PARD3B: variants seen among roughly 807,000 people sequenced by gnomAD.
PARD3B encodes the protein par-3 family cell polarity regulator beta.
A neutral mutation model predicts 130.2 loss-of-function variants in PARD3B; 103 were observed. The ratio of observed to expected loss-of-function variants is 0.79; its 90% CI spans 0.67 to 0.93. The LOEUF is 0.93. Ranked by LOEUF, PARD3B falls within the 40% of genes least tolerant of loss-of-function variation. PARD3B has a pLI of 0.00. For synonymous variants in PARD3B, 583 were observed against 553.2 expected (o/e 1.05, Z -0.76); for missense variants, 1,609 against 1,499.2 (o/e 1.07, Z -1.21).
rs1553615098 is a variant in PARD3B at position 205,106,529 on chromosome 2, G to GTA, written c.593+2019_593+2020dup. Among the ~76,000 whole-genome samples the GTA allele has an allele frequency of 8.5e-3, 1,278 of 150,624 alleles. 24 individuals are homozygous for GTA. Among genetic ancestry groups the GTA allele is most frequent in the East Asian group, 0.026 (133 of 5,108 alleles). On this transcript the variant is annotated intron_variant, in intron 5 of 22. Coordinates refer to ENST00000406610, the MANE Select transcript of PARD3B (RefSeq NM_001302769.2). ...TGTGTGTGTGTGTGTGTGTGTGTGTGTATATTTGATTATCAAAACGGGCTT... is the reference window on the plus strand; with the variant it reads ...TGTGTGTGTGTGTGTGTGTGTGTGTGTATATATTTGATTATCAAAACGGGCTT...
At position 205,440,524 on chromosome 2, in the gene PARD3B, G is replaced by T; in HGVS notation, c.2896G>T (p.Ala966Ser). 1 of 1,614,060 alleles carries T rather than the reference G, an allele frequency of 6.2e-7. No homozygotes were observed. The highest frequency in any genetic ancestry group is 8.5e-7 in the Non-Finnish European group (1 of 1,179,980). Residue 966 changes from alanine (A) to serine (S), a missense_variant, in exon 20 of 23, where the codon GCA (alanine) becomes TCA (serine). Physicochemically the swap from Ala to Ser is moderately conservative, Grantham distance 99. Transcript: ENST00000406610. The surrounding 1 kb of genome is among the most constrained non-coding windows in gnomAD (Gnocchi z 4.2). ...CCACTTTCGGGAACCATGCACATCA[G>T]CAAATGTCTTTAGATCTCCATCTCC... ...VNHFREPCTS[A>S]NVFRSPSPPR... is the part of the protein sequence containing the mutation.
At chr2:205,150,396 T>C (rs2033676129) in intron 10 of PARD3B, among the ~76,000 whole-genome samples, 1 of 152,108 alleles carries the variant, frequency 6.6e-6, no homozygotes, top group East Asian at 1.9e-4. Context: ...TAGTACTTTA[T>C]ACCCATTTCC....
chr2:205,220,971 G>A (rs1236426089), intron 15 of PARD3B, among the ~76,000 whole-genome samples: 1 of 152,208 alleles, frequency 6.6e-6, no homozygotes, highest in Non-Finnish European at 1.5e-5. Flanking sequence ...GCAGGGCTTG[G>A]AAGCTGTGGA....
chr2:205,480,992 C>G (rs1448783253), intron 20 of PARD3B, among the ~76,000 whole-genome samples: 2 of 151,980 alleles, frequency 1.3e-5, no homozygotes, highest in Non-Finnish European at 2.9e-5. Context: ...CTTAGGCTAT[C>G]AAGGAACAGG....
intron 21 of PARD3B, among the ~76,000 whole-genome samples, chr2:205,514,937 A>G (rs1284918980): frequency 6.6e-6 from 1 of 150,982 alleles, no homozygotes; most frequent in Admixed American, 6.6e-5. Context: ...TTCATCACCC[A>G]GGAGTTAAGC....
At chr2:205,326,034 A>T (rs1187275748) in intron 18 of PARD3B, among the ~76,000 whole-genome samples, 4 of 152,290 alleles carry the variant, frequency 2.6e-5, no homozygotes, top group Admixed American at 2.6e-4. Flanking sequence ...GTTAATTTGC[A>T]TGTGAAGTAT....
rs374118895 is a variant in PARD3B at position 205,069,820 on chromosome 2, G to A, written c.504+22130G>A. 4.6e-5 allele frequency among the ~76,000 whole-genome samples: 7 copies of A among 152,206 alleles called. No homozygotes were observed. In the East Asian group the frequency reaches 1.4e-3, roughly 30 times the overall value. On this transcript the variant is annotated intron_variant, in intron 4 of 22. Transcript: ENST00000406610. ...TCCACCGTCCCAAAGATTTCCAGGT[G>A]TGAGGCAGCTGGCCTTTGTAGAGCA...
At chr2:205,346,675 G>A (rs1048180278) in intron 18 of PARD3B, among the ~76,000 whole-genome samples, 14 of 152,186 alleles carry the variant, frequency 9.2e-5, no homozygotes, top group Admixed American at 9.2e-4. Flanking sequence ...TATAAACTTT[G>A]TCACCCTGCA....
intron 4 of PARD3B, among the ~76,000 whole-genome samples, chr2:205,087,846 C>A (rs544419327): frequency 6.6e-6 from 1 of 152,276 alleles, no homozygotes; most frequent in East Asian, 1.9e-4. Context: ...CCCTGACCAT[C>A]ATAGCTATTC....
rs372227286 is a variant in PARD3B, at chr2:205,382,025, A to G, written c.2631-18988A>G. 1.2e-4 allele frequency among the ~76,000 whole-genome samples: 19 copies of G among 152,102 alleles called. No homozygotes were observed. The East Asian group carries it at 3.5e-3, about 28-fold the overall frequency. On this transcript the variant is annotated intron_variant, in intron 18 of 22. Transcript: ENST00000406610. The stretch of plus-strand genomic sequence containing the variant: ...TTACCCAATAATTACCCCCAATGTT[A>G]AAATAGTGCGTAACGATGGTACAGA...
chr2:204,576,909 A>G (rs2032290100), intron 1 of PARD3B, among the ~76,000 whole-genome samples: 1 of 152,216 alleles, frequency 6.6e-6, no homozygotes, highest in Non-Finnish European at 1.5e-5. Context: ...TCCACTGCAC[A>G]ATCAGAAACC....
chr2:204,935,272 G>A (rs1195572558), intron 2 of PARD3B, among the ~76,000 whole-genome samples: 2 of 150,626 alleles, frequency 1.3e-5, no homozygotes, highest in African/African-American at 2.4e-5. Flanking sequence ...GCTCACGCCT[G>A]TAATCCCAGC....
intron 22 of PARD3B, among the ~76,000 whole-genome samples, chr2:205,597,346 G>C (rs915672856): frequency 6.6e-6 from 1 of 152,098 alleles, no homozygotes; most frequent in African/African-American, 2.4e-5. Context: ...TTGCTTCAAA[G>C]GACATGATTT....
chr2:205,225,292 A>G (rs2038482239), intron 15 of PARD3B, among the ~76,000 whole-genome samples: 1 of 152,118 alleles, frequency 6.6e-6, no homozygotes, highest in South Asian at 2.1e-4. Flanking sequence ...TTTTGGATGA[A>G]AGCCATTTTA....
chr2:205,301,993 G>T lies in PARD3B; in HGVS notation c.2630+292G>T. The T allele has an allele frequency of 1.5e-6, 1 of 671,150 alleles. No individual in the cohort carries two copies. 41.6% of individuals were successfully genotyped at this position (671,150 alleles called of 1,614,324 possible). A position where few individuals can be genotyped will look rare whatever the true frequency, so the allele number is the denominator to read the frequency against. On this transcript the variant is annotated intron_variant, in intron 18 of 22. Transcript: ENST00000406610. This position sits in a 1 kb window ranked among gnomAD's most constrained non-coding sequence, Gnocchi z 5.2. ...AGTACTTTGGGAGGCTGGGAGGATT[G>T]CTTGAGCCCAAGAGTTCAAGACCAG...
At chr2:204,694,717 C>T (rs992842982) in intron 2 of PARD3B, among the ~76,000 whole-genome samples, 2 of 151,996 alleles carry the variant, frequency 1.3e-5, no homozygotes, top group Admixed American at 6.6e-5. Context: ...ACTTAAACTA[C>T]AGTAATCTTG....
chr2:205,593,136 A>G (rs898889910), intron 22 of PARD3B, among the ~76,000 whole-genome samples: 16 of 152,198 alleles, frequency 1.1e-4, no homozygotes, highest in Non-Finnish European at 5.9e-5. Flanking sequence ...GGAGAGCATT[A>G]TTTTTTTAAG....
At chr2:204,817,787 C>T (rs920876876) in intron 2 of PARD3B, among the ~76,000 whole-genome samples, 1 of 152,102 alleles carries the variant, frequency 6.6e-6, no homozygotes, top group African/African-American at 2.4e-5. Flanking sequence ...AGACAGGAAA[C>T]TTTGTAGGCA....
At chr2:205,427,023 A>G (rs940585801) in intron 19 of PARD3B, among the ~76,000 whole-genome samples, 1 of 152,204 alleles carries the variant, frequency 6.6e-6, no homozygotes, top group African/African-American at 2.4e-5. Context: ...AAAGATACTC[A>G]GCATCATATA....
Sources: allele counts gnomAD v4.1 joint callset (sites outside exome capture counted in the v4.1 genomes callset), GRCh38; gene constraint gnomAD v4.1.1; non-coding constraint Gnocchi (gnomAD v3.1); transcripts MANE v1.5; gene names NCBI Gene and HGNC (gene_info 2026-07-23, HGNC 2026-07-21).